Variants in ELOC observed in about 807,000 individuals in gnomAD.
The protein encoded by ELOC is elongin C.
For synonymous variants in ELOC, 40 were observed against 51.3 expected (o/e 0.78, Z 0.94); for missense variants, 38 against 139.0 (o/e 0.27, Z 3.65).
intron 1 of ELOC, among the ~76,000 whole-genome samples, chr8:73,970,410 G>A (rs1434040141): frequency 1.3e-5 from 2 of 152,100 alleles, no homozygotes; most frequent in East Asian, 3.8e-4. Context: ...CTGTAAACTA[G>A]TGCCTATTAT....
intron 3 of ELOC, 180 bp downstream of exon 3, chr8:73,955,731 C>T (rs773105212): frequency 1.4e-6 from 1 of 734,848 alleles, no homozygotes. Flanking sequence ...CACCATTGCA[C>T]TCCAGCCTGG....
In ELOC at chr8:73,958,954, G is replaced by C. The variant is rs549261968; in HGVS notation, c.4+811C>G. Among the ~76,000 whole-genome samples the C allele has an allele frequency of 1.6e-4, 25 of 152,224 alleles. No individual in the cohort carries two copies. In the South Asian group the frequency reaches 4.8e-3, roughly 29 times the overall value. On this transcript the variant is annotated intron_variant, in intron 2 of 3. Coordinates refer to ENST00000520242, the MANE Select transcript of ELOC (RefSeq NM_005648.4). ...TATATGGTGTAACCTACTGCTCCTA[G>C]GCTACAAACCTGTACGGTATGTTAC...
chr8:73,958,418 G>C (rs1035345938), intron 2 of ELOC, among the ~76,000 whole-genome samples: 14 of 152,068 alleles, frequency 9.2e-5, no homozygotes, highest in Non-Finnish European at 1.5e-5. Flanking sequence ...GACTAGAATG[G>C]AGTTTTGCCA....
At chr8:73,963,537 C>A (rs1021385161) in intron 1 of ELOC, among the ~76,000 whole-genome samples, 1 of 151,974 alleles carries the variant, frequency 6.6e-6, no homozygotes, top group Non-Finnish European at 1.5e-5. Context: ...ATTTTTTTTG[C>A]AGAACTCATA....
intron 3 of ELOC, among the ~76,000 whole-genome samples, chr8:73,954,302 T>G (rs936455482): frequency 6.6e-6 from 1 of 152,180 alleles, no homozygotes; most frequent in Non-Finnish European, 1.5e-5. Flanking sequence ...GCCACTAAAT[T>G]GTACACTTTA....
intron 3 of ELOC, among the ~76,000 whole-genome samples, chr8:73,948,834 CACAA>C (rs1346417395): frequency 1.5e-5 from 2 of 131,954 alleles, no homozygotes; most frequent in Admixed American, 7.9e-5. Context: ...CCCTGTCACT[CACAA>C]GCAAGCAAGC....
At chr8:73,963,977 C>T (rs1355818484) in intron 1 of ELOC, among the ~76,000 whole-genome samples, 1 of 151,034 alleles carries the variant, frequency 6.6e-6, no homozygotes, top group Non-Finnish European at 1.5e-5. Context: ...CCTGTAATCC[C>T]AGCTACTCGG....
At chr8:73,953,382 T>TA (rs199858431) in intron 3 of ELOC, among the ~76,000 whole-genome samples, 1,766 of 150,318 alleles carry the variant, frequency 0.012, 34 homozygotes, top group African/African-American at 0.041. Flanking sequence ...ATAGCAGTGA[T>TA]AAAAAAAAGA....
chr8:73,955,116 T>C (rs1277813348), intron 3 of ELOC, among the ~76,000 whole-genome samples: 7 of 147,050 alleles, frequency 4.8e-5, no homozygotes, highest in African/African-American at 1.8e-4. Context: ...ACTTATAGGA[T>C]AAATAACTGA....
chr8:73,951,426 G>T (rs1813751133), intron 3 of ELOC, among the ~76,000 whole-genome samples: 1 of 152,118 alleles, frequency 6.6e-6, no homozygotes, highest in African/African-American at 2.4e-5. Context: ...AGCACTTTGG[G>T]AGGCCAAGTT....
chr8:73,959,623 G>A (rs1223045521), intron 2 of ELOC, 142 bp downstream of exon 2: 3 of 608,904 alleles, frequency 4.9e-6, no homozygotes, highest in East Asian at 3.0e-5. Context: ...GGGCATGACT[G>A]TGTAGTAAAC....
At chr8:73,971,706 G>C (rs4738405) in intron 1 of ELOC, among the ~76,000 whole-genome samples, 6 of 152,010 alleles carry the variant, frequency 3.9e-5, no homozygotes, top group Admixed American at 2.6e-4. Context: ...CCTGGGCTAG[G>C]GACTGACTTC....
intron 3 of ELOC, among the ~76,000 whole-genome samples, chr8:73,947,978 A>C (rs1278917031): frequency 6.6e-6 from 1 of 151,990 alleles, no homozygotes; most frequent in Non-Finnish European, 1.5e-5. Flanking sequence ...CGATCATTTG[A>C]GGTCAAGAGT....
rs1813616547 is a variant in ELOC, at chr8:73,949,660, C to A, written c.149-2840G>T. The stretch of plus-strand genomic sequence containing the variant: ...TAAAAATGGAATCATACAAATGTGA[C>A]ATTTTGTGTCTGAGTTCTTTTACTT... On this transcript the variant is annotated intron_variant, in intron 3 of 3. Coordinates refer to ENST00000520242, the MANE Select transcript of ELOC (RefSeq NM_005648.4). Among the ~76,000 whole-genome samples the A allele has an allele frequency of 2.6e-5, 4 of 152,164 alleles. No individual in the cohort carries two copies. The South Asian group carries it at 8.3e-4, about 31-fold the overall frequency.
rs984203707 is a variant in ELOC, at chr8:73,947,268, T to C, written c.149-448A>G. On this transcript the variant is annotated intron_variant, in intron 3 of 3. Coordinates refer to ENST00000520242, the MANE Select transcript of ELOC (RefSeq NM_005648.4). ...TCCCAAAGTGCTGGGATTACAGGCA[T>C]GAGCCACCGCGCCCGGCCATGATTG... 6.6e-5 allele frequency among the ~76,000 whole-genome samples: 10 copies of C among 152,146 alleles called. 1 individual carries two copies. The highest frequency in any genetic ancestry group is 2.4e-4 in the African/African-American group (10 of 41,506).
At chr8:73,969,436 C>A (rs1302866694) in intron 1 of ELOC, 1 of 152,238 alleles carries the variant, frequency 6.6e-6, no homozygotes, top group East Asian at 1.9e-4. Context: ...CATGTCTCAA[C>A]TGGACATTTG....
chr8:73,965,565 C>A (rs1814917873), intron 1 of ELOC, among the ~76,000 whole-genome samples: 1 of 152,150 alleles, frequency 6.6e-6, no homozygotes, highest in African/African-American at 2.4e-5. Flanking sequence ...AATTATAGAA[C>A]AGGCAAAACA....
chr8:73,958,905 T>G (rs191573746), intron 2 of ELOC, among the ~76,000 whole-genome samples: 1 of 152,248 alleles, frequency 6.6e-6, no homozygotes, highest in East Asian at 1.9e-4. Context: ...ACTTACTAAA[T>G]CTAGAGTGTA....
At chr8:73,962,038 G>A (rs1393097636) in intron 1 of ELOC, among the ~76,000 whole-genome samples, 6 of 151,996 alleles carry the variant, frequency 3.9e-5, no homozygotes, top group South Asian at 2.1e-4. Context: ...TGGGACTACA[G>A]GTGCATGGGA....
Sources: gnomAD v4.1 joint callset for allele counts (sites outside exome capture counted in the v4.1 genomes callset) on GRCh38, gnomAD v4.1.1 for gene constraint, MANE v1.5 for transcripts, NCBI Gene and HGNC (gene_info 2026-07-23, HGNC 2026-07-21) for gene names.